PLCB2: variants seen among roughly 807,000 people sequenced by gnomAD.
The protein encoded by PLCB2 is phospholipase C beta 2, also known as 1-phosphatidylinositol 4,5-bisphosphate phosphodiesterase beta-2.
A neutral mutation model predicts 141.7 loss-of-function variants in PLCB2; 115 were observed. That is an observed-to-expected ratio of 0.81 (90% CI 0.70 to 0.95). The LOEUF (loss-of-function observed/expected upper bound fraction) is 0.95. PLCB2 is among the 40% of genes least tolerant of loss of function. The pLI is 0.00. For missense variants in PLCB2, 1,403 were observed against 1,541.1 expected, an observed-to-expected ratio of 0.91 and a Z score of 1.50; for synonymous variants, 603 against 595.6, an observed-to-expected ratio of 1.01 and a Z score of -0.18.
rs78490614 is a variant in PLCB2, at chr15:40,290,566, C to T, written c.3209+11G>A. On this transcript the variant is annotated intron_variant, in intron 29 of 31. Transcript: ENST00000260402. ...GTCTGCCCAGCCCTGGGCCTCCCCT[C>T]CAGGGCTCACCTCTCCTGGGCCATC... 8.0e-3 allele frequency: 12,883 copies of T among 1,608,218 alleles called. 722 individuals carry two copies. The African/African-American group carries it at 0.13, about 16-fold the overall frequency.
chr15:40,299,307 A>G, intron 7 of PLCB2, 79 bp from the exon 8 acceptor site: 2 of 941,634 alleles, frequency 2.1e-6, no homozygotes, highest in Non-Finnish European at 3.5e-6. Flanking sequence ...AGCCCTGGTC[A>G]AGGGGACCTG....
Position 40,303,152 on chromosome 15 carries a change from CG to C in PLCB2, c.231+135del, listed in dbSNP as rs2141168139. On this transcript the variant is annotated intron_variant, in intron 3 of 31. Coordinates refer to ENST00000260402, the MANE Select transcript of PLCB2 (RefSeq NM_004573.3). ...GCTCCCCTTCCTTGGCTTCCAGCCACGGTCCTTGCTGCCCAGCCAAGGAACC... is the reference window on the plus strand; with the variant it reads ...GCTCCCCTTCCTTGGCTTCCAGCCACGTCCTTGCTGCCCAGCCAAGGAACC... 4 of 701,698 alleles carry C rather than the reference CG, an allele frequency of 5.7e-6. No individual in the cohort carries two copies. In the South Asian group the frequency reaches 6.9e-5, roughly 12 times the overall value. The allele number at this position is 701,698 out of a possible 1,614,324, so 43.5% of individuals were successfully genotyped here. A position where few individuals can be genotyped will look rare whatever the true frequency, so the allele number is the denominator to read the frequency against.
downstream of PLCB2, among the ~76,000 whole-genome samples, chr15:40,286,727 C>A (rs1279610952): frequency 6.6e-6 from 1 of 152,246 alleles, no homozygotes; most frequent in Non-Finnish European, 1.5e-5. Flanking sequence ...ACTAATTCAT[C>A]TCCAGGACCC....
At chr15:40,287,689 A>T (rs1459313286), downstream of PLCB2, among the ~76,000 whole-genome samples, 1 of 152,162 alleles carries the variant, frequency 6.6e-6, no homozygotes, top group Non-Finnish European at 1.5e-5. Flanking sequence ...AGGGGGTGAC[A>T]TAATTTTCCA....
At chr15:40,292,825 T>A (rs763195854) in intron 21 of PLCB2, 101 bp downstream of exon 21, 9 of 700,262 alleles carry the variant, frequency 1.3e-5, no homozygotes, top group Non-Finnish European at 2.2e-5. Flanking sequence ...ATGTGAGGGC[T>A]TAGGTAAGGC....
chr15:40,285,329 A>T, downstream of PLCB2: 1 of 165,558 alleles, frequency 6.0e-6, no homozygotes, highest in Non-Finnish European at 1.2e-5. Context: ...CATCAGCGTT[A>T]AGTCCCAGCT....
chr15:40,286,146 C>T (rs2039606226), downstream of PLCB2: 2 of 624,732 alleles, frequency 3.2e-6, no homozygotes, highest in Non-Finnish European at 4.0e-6. Context: ...GCACCAACAG[C>T]CGGAATTAGA....
chr15:40,298,014 C>G (rs1485172211), intron 11 of PLCB2, 55 bp from the exon 12 acceptor site: 12 of 1,354,110 alleles, frequency 8.9e-6, no homozygotes, highest in Non-Finnish European at 1.3e-5. Context: ...CTGCCTGTCT[C>G]GTGATAGCAC....
At chr15:40,284,642 C>T, downstream of PLCB2, 2 of 438,502 alleles carry the variant, frequency 4.6e-6, no homozygotes, top group African/African-American at 2.0e-5. Context: ...GGGATCGAGA[C>T]CATCCTGGCC....
At position 40,288,343 on chromosome 15, in the gene PLCB2, C is replaced by T; in HGVS notation, c.*372G>A. ...AGTGGAGGTGAGTGGGTCCAACCCT[C>T]CAGGTGAGGAAACTGAGCCCAGAGC... On this transcript the variant is annotated 3_prime_UTR_variant, in exon 32 of 32. Transcript: ENST00000260402. The T allele has an allele frequency of 9.9e-7, 1 of 1,015,200 alleles. No homozygotes were observed. The highest frequency in any genetic ancestry group is 1.2e-6 in the Non-Finnish European group (1 of 849,432). 62.9% of individuals were successfully genotyped at this position (1,015,200 alleles called of 1,614,324 possible). A position where few individuals can be genotyped will look rare whatever the true frequency, so the allele number is the denominator to read the frequency against.
rs767880003 is a variant in PLCB2 at position 40,291,190 on chromosome 15, A to C, written c.2871-7T>G. 3.8e-6 allele frequency: 6 copies of C among 1,570,986 alleles called. No homozygotes were observed. The East Asian group carries it at 1.1e-4, about 30-fold the overall frequency. ...CTCCTCGCGGGGCAGGCTCCTGGGG[A>C]GGCCACGTGGGGACAGGCCCTGAGA... On this transcript the variant is annotated splice_region_variant and splice_polypyrimidine_tract_variant and intron_variant, in intron 26 of 31. Coordinates refer to ENST00000260402, the MANE Select transcript of PLCB2 (RefSeq NM_004573.3).
At position 40,290,778 on chromosome 15, in the gene PLCB2, C is replaced by T. The variant is rs1481577555; in HGVS notation, c.3096G>A (p.Leu1032=). ...AGTCGTACTTCTCCGACGTCTCCTT[C>T]AGGGCCTTCAGCTCTGCCGCCTGTT... The part of the protein sequence containing the change: ...REKQAAELKA[L]KETSENDTKE... The change falls in exon 28 of 32, where the codon CTG becomes CTA. Residue 1032 remains leucine, a synonymous_variant. Transcript: ENST00000260402. The T allele has an allele frequency of 1.2e-6, 2 of 1,613,912 alleles. No homozygotes were observed.
rs3837700 is a variant in PLCB2, at chr15:40,304,784, A to AAATG, written c.85-710_85-707dup. Among the ~76,000 whole-genome samples, 600 of 152,022 alleles carry AAATG rather than the reference A, an allele frequency of 3.9e-3. 7 individuals carry two copies. Among genetic ancestry groups the AAATG allele is most frequent in the African/African-American group, 0.013 (542 of 41,498 alleles). The stretch of plus-strand genomic sequence containing the variant: ...TGAATGTGGTGTTTGCTGAATGAGC[A>AAATG]AATGAATGAATGAATGAATGAATGA... On this transcript the variant is annotated intron_variant, in intron 1 of 31. Transcript: ENST00000260402.
Position 40,302,463 on chromosome 15 carries a change from G to A in PLCB2, c.372+6C>T, listed in dbSNP as rs1394634792. ...CCAGACCCAGGCCCAGTGCTCCCTG[G>A]CACACCTTGCCCACGTTCTCCTTGT... is the stretch of plus-strand genomic sequence containing the variant. On this transcript the variant is annotated splice_donor_region_variant and intron_variant, in intron 4 of 31. Transcript: ENST00000260402. The A allele has an allele frequency of 6.2e-7, 1 of 1,613,834 alleles. No individual in the cohort carries two copies. The highest frequency in any genetic ancestry group is 8.5e-7 in the Non-Finnish European group (1 of 1,179,946).
intron 7 of PLCB2, 45 bp downstream of exon 7, chr15:40,301,912 G>A (rs749602430): frequency 6.4e-7 from 1 of 1,562,704 alleles, no homozygotes; most frequent in Admixed American, 1.7e-5. Context: ...CTTTCTGGTG[G>A]GGACAAGAAT....
At position 40,288,292 on chromosome 15, in the gene PLCB2, C is replaced by T. The variant is rs2039661702; in HGVS notation, c.*423G>A. The T allele has an allele frequency of 1.0e-6, 1 of 991,540 alleles. No homozygotes were observed. Among genetic ancestry groups the T allele is most frequent in the Non-Finnish European group, 1.2e-6 (1 of 834,230 alleles). 61.4% of individuals were successfully genotyped at this position (991,540 alleles called of 1,614,324 possible). ...GGGCAGGCCTGATGGGGCCTGGAAG[C>T]CTGGGGCAGGAGGGTTCGGGGCTAG... On this transcript the variant is annotated 3_prime_UTR_variant, in exon 32 of 32. Transcript: ENST00000260402.
rs768622499 is a variant in PLCB2, at chr15:40,299,222, C to A, written c.589G>T (p.Ala197Ser). 2.5e-6 allele frequency: 4 copies of A among 1,610,764 alleles called. No individual in the cohort carries two copies. Among genetic ancestry groups the A allele is most frequent in the African/African-American group, 2.7e-5 (2 of 74,982 alleles). Reference protein sequence around the residue: ...ACHLPKGKNDAINPEDFPEPV... With the variant: ...ACHLPKGKNDSINPEDFPEPV... Reference sequence around the variant, plus strand: ...TCTGGGAAGTCCTCAGGATTGATGGCGTCATTCTAGGGGCATAGTAACCTT... The same window carrying A: ...TCTGGGAAGTCCTCAGGATTGATGGAGTCATTCTAGGGGCATAGTAACCTT... Residue 197 changes from alanine to serine, a missense_variant, in exon 8 of 32, where the codon GCC becomes TCC. Around this residue, in one of 4 missense-constraint regions of PLCB2, gnomAD observed 975 missense variants for 1,141.1 expected, o/e 0.85. Transcript: ENST00000260402.
intron 15 of PLCB2, 48 bp from the exon 16 acceptor site, chr15:40,296,440 C>G (rs1412422119): frequency 1.2e-6 from 2 of 1,613,268 alleles, no homozygotes; most frequent in Non-Finnish European, 1.7e-6. Context: ...GTGCAGAGCC[C>G]AGGAATGGGG....
At chr15:40,293,371 C>T (rs1158309938) in intron 20 of PLCB2, among the ~76,000 whole-genome samples, 189 bp downstream of exon 20, 1 of 152,142 alleles carries the variant, frequency 6.6e-6, no homozygotes, top group Non-Finnish European at 1.5e-5. Context: ...TCTTCACACA[C>T]ACACACTCTG....
Sources: gnomAD v4.1 joint callset for allele counts (sites outside exome capture counted in the v4.1 genomes callset) on GRCh38, gnomAD v4.1.1 for gene constraint, gnomAD v4.1.1 regional missense constraint, MANE v1.5 for transcripts, NCBI Gene and HGNC (gene_info 2026-07-23, HGNC 2026-07-21) for gene names.